CCR3: variants seen among roughly 807,000 people sequenced by gnomAD.
CCR3 encodes the protein C-C chemokine receptor type 3.
For synonymous variants in CCR3, 203 were observed against 179.2 expected (o/e 1.13, Z -1.06); for missense variants, 419 against 437.5 (o/e 0.96, Z 0.38).
At chr3:46,249,966 T>C (rs1034017204) in intron 1 of CCR3, among the ~76,000 whole-genome samples, 29 of 152,060 alleles carry the variant, frequency 1.9e-4, no homozygotes, top group Non-Finnish European at 3.7e-4. Context: ...GGAGTTTTAT[T>C]TAATGTCGGG....
chr3:46,260,025 C>T lies in CCR3; in HGVS notation c.-11-5123C>T, dbSNP rs193092664. ...CAATCATGAGGGAAGGTGAAAGGCA[C>T]ATCTCATATGGTGGCAGACAAGAGA... On this transcript the variant is annotated intron_variant, in intron 1 of 1. Transcript: ENST00000395940. Among the ~76,000 whole-genome samples the T allele has an allele frequency of 2.4e-3, 371 of 152,242 alleles. 1 individual carries two copies. Among genetic ancestry groups the T allele is most frequent in the African/African-American group, 8.7e-3 (361 of 41,524 alleles).
At chr3:46,250,669 G>A (rs776064116) in intron 1 of CCR3, among the ~76,000 whole-genome samples, 2 of 152,112 alleles carry the variant, frequency 1.3e-5, no homozygotes, top group Non-Finnish European at 2.9e-5. Context: ...TAGGTTTTAG[G>A]ACAGGTGTAA....
At chr3:46,247,489 G>A (rs1255341933) in intron 1 of CCR3, among the ~76,000 whole-genome samples, 1 of 152,126 alleles carries the variant, frequency 6.6e-6, no homozygotes, top group Non-Finnish European at 1.5e-5. Context: ...AGCTTGGTGA[G>A]GTGTGTTTTT....
intron 2 of CCR3, among the ~76,000 whole-genome samples, chr3:46,231,600 A>G (rs534794729): frequency 6.6e-6 from 1 of 152,328 alleles, no homozygotes; most frequent in Non-Finnish European, 1.5e-5. Context: ...ATACTTAAAA[A>G]TGTGCCAAGA....
chr3:46,244,045 C>A (rs1700146199), intron 1 of CCR3, among the ~76,000 whole-genome samples: 1 of 152,146 alleles, frequency 6.6e-6, no homozygotes, highest in South Asian at 2.1e-4. Context: ...TTGTTACACA[C>A]TTTCTGGAAG....
chr3:46,265,874 G>A lies in CCR3; in HGVS notation c.716G>A (p.Arg239Gln), dbSNP rs142051640. Residue 239 changes from arginine (R) to glutamine (Q), a missense_variant, in exon 2 of 2, where the codon CGG becomes CAG. Coordinates refer to ENST00000395940, the MANE Select transcript of CCR3 (RefSeq NM_178329.3). ...CPSKKKYKAI[R>Q]LIFVIMAVFF... The stretch of plus-strand genomic sequence containing the variant: ...AGTAAAAAAAAGTACAAGGCCATCC[G>A]GCTCATTTTTGTCATCATGGCGGTG... The A allele has an allele frequency of 2.8e-4, 458 of 1,613,900 alleles. No individual in the cohort carries two copies. Among genetic ancestry groups the A allele is most frequent in the Non-Finnish European group, 3.5e-4 (413 of 1,179,986 alleles).
At chr3:46,264,220 G>T (rs1271317598) in intron 1 of CCR3, 1 of 566,580 alleles carries the variant, frequency 1.8e-6, no homozygotes, top group Admixed American at 3.2e-5. Flanking sequence ...TGATGGAGAA[G>T]CTCCCAGGGG....
chr3:46,258,363 C>T (rs2125933942), intron 1 of CCR3, among the ~76,000 whole-genome samples: 1 of 152,288 alleles, frequency 6.6e-6, no homozygotes, highest in Non-Finnish European at 1.5e-5. Flanking sequence ...ATGCACTAAT[C>T]CTTCCCCAGA....
chr3:46,232,279 G>A (rs957821139), intron 2 of CCR3, among the ~76,000 whole-genome samples: 11 of 152,200 alleles, frequency 7.2e-5, no homozygotes, highest in African/African-American at 2.4e-4. Flanking sequence ...GGTTACGTCT[G>A]TCCAGATCTC....
At chr3:46,225,262 A>C (rs367904897) in intron 2 of CCR3, among the ~76,000 whole-genome samples, 3 of 152,202 alleles carry the variant, frequency 2.0e-5, no homozygotes, top group East Asian at 3.8e-4. Flanking sequence ...GGGTTCTAGT[A>C]ATGTCTTGAC....
intron 2 of CCR3, among the ~76,000 whole-genome samples, chr3:46,229,368 G>C (rs1203205173): frequency 6.6e-6 from 1 of 152,140 alleles, no homozygotes; most frequent in Non-Finnish European, 1.5e-5. Context: ...TAAGTCCACT[G>C]TACATTTCAG....
chr3:46,241,497 T>C (rs934323165), upstream of CCR3, among the ~76,000 whole-genome samples: 1 of 152,212 alleles, frequency 6.6e-6, no homozygotes, highest in African/African-American at 2.4e-5. Context: ...CCTATGACGC[T>C]TATGTCACAG....
chr3:46,236,852 G>A (rs1259030530), intron 2 of CCR3, among the ~76,000 whole-genome samples: 2 of 152,216 alleles, frequency 1.3e-5, no homozygotes, highest in East Asian at 3.8e-4. Context: ...AGGAGGGAAA[G>A]GGGAGTGGGT....
rs550935345 is a variant in CCR3 at position 46,253,895 on chromosome 3, A to G, written c.-11-11253A>G. Among the ~76,000 whole-genome samples, 4 of 152,008 alleles carry G rather than the reference A, an allele frequency of 2.6e-5. No homozygotes were observed. In the East Asian group the frequency reaches 7.7e-4, roughly 29 times the overall value. ...ATGAGGCCGTTCTACAAGTATTGAT[A>G]TAGAAAGATTTCCAAGATGTAAGGT... On this transcript the variant is annotated intron_variant, in intron 1 of 1. Coordinates refer to ENST00000395940, the MANE Select transcript of CCR3 (RefSeq NM_178329.3).
chr3:46,247,845 G>C (rs1700227298), intron 1 of CCR3, among the ~76,000 whole-genome samples: 1 of 152,274 alleles, frequency 6.6e-6, no homozygotes, highest in South Asian at 2.1e-4. Context: ...CGAGCTTGAT[G>C]TGTAGGGAAG....
At chr3:46,255,765 T>A (rs1178229389) in intron 1 of CCR3, among the ~76,000 whole-genome samples, 1 of 152,208 alleles carries the variant, frequency 6.6e-6, no homozygotes, top group Non-Finnish European at 1.5e-5. Flanking sequence ...ATGCCTGTTC[T>A]TATTCCAGTA....
intron 2 of CCR3, among the ~76,000 whole-genome samples, chr3:46,212,754 C>T (rs1408469552): frequency 6.6e-6 from 1 of 152,306 alleles, no homozygotes; most frequent in Middle Eastern, 3.4e-3. Context: ...TGTGCTTCAT[C>T]GTGTCCCAAA....
rs10662192 is a variant in CCR3 at position 46,242,982 on chromosome 3, C to CATATATATATATATATATATATACACAT, written c.-12+465_-12+466insTACACATATATATATATATATATATATA. ...ATATGTGTATATATATATATATACA[C>CATATATATATATATATATATATACACAT]ATATATATATATATATATATACGCA... On this transcript the variant is annotated intron_variant, in intron 1 of 1. Coordinates refer to ENST00000395940, the MANE Select transcript of CCR3 (RefSeq NM_178329.3). Among the ~76,000 whole-genome samples the CATATATATATATATATATATATACACAT allele has an allele frequency of 6.6e-4, 66 of 99,280 alleles. 2 individuals carry two copies. The highest frequency in any genetic ancestry group is 1.5e-3 in the Admixed American group (15 of 9,916). The allele number at this position is 99,280 out of a possible 152,430, so 65.1% of individuals were successfully genotyped here. A position where few individuals can be genotyped will look rare whatever the true frequency, so the allele number is the denominator to read the frequency against.
intron 2 of CCR3, among the ~76,000 whole-genome samples, chr3:46,223,387 C>T (rs1045092847): frequency 1.2e-4 from 19 of 152,198 alleles, no homozygotes; most frequent in African/African-American, 4.6e-4. Context: ...TCTGGGCTTA[C>T]ATACAGTCTA....
Sources: gnomAD v4.1 joint callset for allele counts (sites outside exome capture counted in the v4.1 genomes callset) on GRCh38, gnomAD v4.1.1 for gene constraint, MANE v1.5 for transcripts, NCBI Gene and HGNC (gene_info 2026-07-23, HGNC 2026-07-21) for gene names.